Variants in SEC31A observed in about 807,000 individuals in gnomAD.
SEC31A encodes SEC31 homolog A, COPII component, also known as protein transport protein Sec31A.
A neutral mutation model predicts 151.0 loss-of-function variants in SEC31A; 70 were observed. That is an observed-to-expected ratio of 0.46 (90% CI 0.38 to 0.57). SEC31A has a LOEUF of 0.57. Among genes scored for constraint, SEC31A ranks in the 20% least tolerant of loss-of-function variants. The pLI is 0.00. For missense variants in SEC31A, 1,330 were observed against 1,471.2 expected, an observed-to-expected ratio of 0.90 and a Z score of 1.57; for synonymous variants, 475 against 505.9, an observed-to-expected ratio of 0.94 and a Z score of 0.82.
At chr4:82,880,990 G>A (rs1739155760) in intron 2 of SEC31A, 68 bp from the exon 3 acceptor site, 1 of 1,347,168 alleles carries the variant, frequency 7.4e-7, no homozygotes, top group East Asian at 2.3e-5. Flanking sequence ...ATACAAAACA[G>A]AAGTTAAAAG....
chr4:82,844,365 C>A (rs762959360), intron 21 of SEC31A, 21 bp downstream of exon 21: 121 of 1,610,172 alleles, frequency 7.5e-5, no homozygotes, highest in Non-Finnish European at 9.8e-5. Context: ...TCTGAAAGGA[C>A]TTTGGGGTCA....
chr4:82,863,190 A>G (rs1734560760), intron 12 of SEC31A, 128 bp downstream of exon 12: 1 of 616,486 alleles, frequency 1.6e-6, no homozygotes, highest in Admixed American at 3.8e-5. Context: ...AAGGGAAAAA[A>G]CGCTGGCAAC....
At chr4:82,888,550 C>A (rs1741485177) in intron 1 of SEC31A, among the ~76,000 whole-genome samples, 1 of 151,706 alleles carries the variant, frequency 6.6e-6, no homozygotes, top group Admixed American at 6.6e-5. Flanking sequence ...ATTAGCTGCG[C>A]GTGATGGCGC....
At position 82,844,607 on chromosome 4, in the gene SEC31A, T is replaced by TA. The variant is rs544371447; in HGVS notation, c.2503-99dup. On this transcript the variant is annotated intron_variant, in intron 20 of 26. Coordinates refer to ENST00000395310, the MANE Select transcript of SEC31A (RefSeq NM_001077207.4). ...TCTGAAATGGAATTCTATGTTTATT[T>TA]AAAAAAAAACTTTATTGCATAAGAA... 3,345 of 1,250,586 alleles carry TA rather than the reference T, an allele frequency of 2.7e-3. 39 individuals are homozygous for TA. The African/African-American group carries it at 0.034, about 13-fold the overall frequency. The allele number at this position is 1,250,586 out of a possible 1,614,324, so 77.5% of individuals were successfully genotyped here.
rs561899653 is a variant in SEC31A, at chr4:82,890,958, G to A, written c.-5+130C>T. The A allele has an allele frequency of 5.5e-6, 8 of 1,449,604 alleles. No homozygotes were observed. In the South Asian group the frequency reaches 9.5e-5, roughly 17 times the overall value. The allele number at this position is 1,449,604 out of a possible 1,614,324, so 89.8% of individuals were successfully genotyped here. A position where few individuals can be genotyped will look rare whatever the true frequency, so the allele number is the denominator to read the frequency against. ...CCGAAACCAAGACTAGGGGCGCGCC[G>A]TCACCAGAGACCGGGCCTCAGGCTG... On this transcript the variant is annotated intron_variant, in intron 1 of 26. Transcript: ENST00000395310.
intron 22 of SEC31A, among the ~76,000 whole-genome samples, chr4:82,832,217 C>T (rs1396841291): frequency 6.6e-6 from 1 of 152,080 alleles, no homozygotes; most frequent in Non-Finnish European, 1.5e-5. Context: ...GATATACAGA[C>T]CAATGGAACA....
chr4:82,863,944 C>T (rs1170260627), intron 11 of SEC31A, among the ~76,000 whole-genome samples: 1 of 152,102 alleles, frequency 6.6e-6, no homozygotes, highest in African/African-American at 2.4e-5. Flanking sequence ...TCTAACTCCT[C>T]TTAAAGTAAA....
At chr4:82,881,806 C>T in intron 2 of SEC31A, 52 bp downstream of exon 2, 2 of 1,356,218 alleles carry the variant, frequency 1.5e-6, no homozygotes, top group Non-Finnish European at 2.1e-6. Context: ...AAGCTAGGTG[C>T]AGAAGAGAAG....
upstream of SEC31A, chr4:82,891,155 C>A: frequency 6.5e-7 from 1 of 1,535,704 alleles, no homozygotes; most frequent in Non-Finnish European, 8.7e-7. Context: ...CCAGCATTCG[C>A]CGCCGCCCCT....
intron 22 of SEC31A, among the ~76,000 whole-genome samples, chr4:82,837,632 T>C (rs1234975644): frequency 6.6e-6 from 1 of 152,158 alleles, no homozygotes; most frequent in Non-Finnish European, 1.5e-5. Context: ...CACTCTGCTG[T>C]GCCCGCCCCA....
intron 25 of SEC31A, among the ~76,000 whole-genome samples, chr4:82,822,921 C>T (rs776182579): frequency 7.9e-5 from 12 of 151,768 alleles, no homozygotes; most frequent in East Asian, 3.9e-4. Context: ...TGCAGTGAGC[C>T]GAGATTGCAC....
intron 4 of SEC31A, 71 bp downstream of exon 4, chr4:82,878,659 T>C (rs962953522): frequency 3.9e-6 from 5 of 1,269,528 alleles, no homozygotes; most frequent in East Asian, 4.6e-5. Flanking sequence ...AACTGAGGCA[T>C]AGTAGATTCA....
intron 14 of SEC31A, among the ~76,000 whole-genome samples, chr4:82,859,510 C>T (rs1345064979): frequency 1.3e-5 from 2 of 152,096 alleles, no homozygotes; most frequent in Non-Finnish European, 2.9e-5. Context: ...GCTATGTTAT[C>T]TACACATCTG....
Position 82,863,191 on chromosome 4 carries a change from C to T in SEC31A, c.1509+127G>A, listed in dbSNP as rs528324728. On this transcript the variant is annotated intron_variant, in intron 12 of 26. Transcript: ENST00000395310. ...ATAAGAAAAAGAAAAAGGGAAAAAA[C>T]GCTGGCAACCAAACACAAATTATTA... 4.4e-5 allele frequency: 27 copies of T among 613,012 alleles called. 1 individual carries two copies. The highest frequency in any genetic ancestry group is 6.2e-5 in the Non-Finnish European group (23 of 368,034). The allele number at this position is 613,012 out of a possible 1,614,324, so 38.0% of individuals were successfully genotyped here.
rs376088605 is a variant in SEC31A at position 82,869,222 on chromosome 4, C to T, written c.882+1103G>A. ...GCAAGCTCCGCCTCCCAGGTTCATC[C>T]CATTCTCCTGCCTCAGCCTCCCTAG... On this transcript the variant is annotated intron_variant, in intron 8 of 26. Coordinates refer to ENST00000395310, the MANE Select transcript of SEC31A (RefSeq NM_001077207.4). 2.0e-5 allele frequency among the ~76,000 whole-genome samples: 3 copies of T among 151,944 alleles called. No homozygotes were observed. The South Asian group carries it at 6.2e-4, about 32-fold the overall frequency.
At chr4:82,882,401 CAAAAAAAAAAAAAAAAAAAAAA>C (rs57974382) in intron 1 of SEC31A, among the ~76,000 whole-genome samples, 1 of 92,490 alleles carries the variant, frequency 1.1e-5, no homozygotes, top group Non-Finnish European at 2.0e-5. Flanking sequence ...GACTCTATCT[CAAAAAAAAAAAAAAAAAAAAAA>C]AAAAAAAAAG....
At chr4:82,874,235 T>C (rs887100730) in intron 6 of SEC31A, among the ~76,000 whole-genome samples, 1 of 151,130 alleles carries the variant, frequency 6.6e-6, no homozygotes, top group African/African-American at 2.4e-5. Context: ...GAGGCAGAGG[T>C]TGCAGTGAGC....
chr4:82,892,674 TCAA>T (rs1291970465), upstream of SEC31A, among the ~76,000 whole-genome samples: 5 of 152,302 alleles, frequency 3.3e-5, no homozygotes, highest in African/African-American at 9.6e-5. Context: ...CAGTAACAAA[TCAA>T]CAAACTTTGA....
At chr4:82,875,046 G>A (rs1182835924) in intron 5 of SEC31A, among the ~76,000 whole-genome samples, 1 of 152,162 alleles carries the variant, frequency 6.6e-6, no homozygotes, top group Non-Finnish European at 1.5e-5. Flanking sequence ...CTTTGCAACT[G>A]CTGCAAGGTA....
Sources: gnomAD v4.1 joint callset for allele counts (sites outside exome capture counted in the v4.1 genomes callset) on GRCh38, gnomAD v4.1.1 for gene constraint, MANE v1.5 for transcripts, NCBI Gene and HGNC (gene_info 2026-07-23, HGNC 2026-07-21) for gene names.